Variants in PTPRE observed in about 807,000 individuals in gnomAD.
PTPRE encodes protein tyrosine phosphatase receptor type E, also known as receptor-type tyrosine-protein phosphatase epsilon.
In PTPRE, 51 loss-of-function variants were observed where a neutral mutation model predicts 102.0. That is an observed-to-expected ratio of 0.50 (90% CI 0.40 to 0.63). The LOEUF (loss-of-function observed/expected upper bound fraction) is 0.63. Ranked by LOEUF, PTPRE falls within the 30% of genes least tolerant of loss-of-function variation. The pLI, the probability that PTPRE is intolerant of heterozygous loss-of-function variation, is 0.00. For missense variants in PTPRE, 752 were observed against 915.1 expected (o/e 0.82, Z 2.30); for synonymous variants, 345 against 348.2 (o/e 0.99, Z 0.10).
intron 2 of PTPRE, among the ~76,000 whole-genome samples, chr10:127,987,619 C>T (rs970019987): frequency 1.3e-5 from 2 of 152,084 alleles, no homozygotes; most frequent in African/African-American, 2.4e-5. Context: ...ACGCCTCAGT[C>T]GATAGTGCAC....
intron 1 of PTPRE, among the ~76,000 whole-genome samples, chr10:127,941,107 A>G (rs1359313112): frequency 6.6e-6 from 1 of 152,208 alleles, no homozygotes; most frequent in Non-Finnish European, 1.5e-5. Context: ...GCCGCCTGGG[A>G]TGGAGAAGAG....
Position 128,068,203 on chromosome 10 carries a change from T to A in PTPRE, c.924T>A (p.Phe308Leu). 6.2e-7 allele frequency: 1 copy of A among 1,614,164 alleles called. No homozygotes were observed. The highest frequency in any genetic ancestry group is 8.5e-7 in the Non-Finnish European group (1 of 1,179,988). Residue 308 changes from phenylalanine to leucine, a missense_variant, in exon 12 of 21, where the codon TTT (phenylalanine) becomes TTA (leucine). Physicochemically the swap from Phe to Leu is conservative, Grantham distance 22 (BLOSUM62 0). Transcript: ENST00000254667. ...GCTGGCCCGACTTCGGAGTGCCTTTTACCCCCATTGGGATGCTGAAGTTCC... is the reference window on the plus strand; with the variant it reads ...GCTGGCCCGACTTCGGAGTGCCTTTAACCCCCATTGGGATGCTGAAGTTCC... Reference protein sequence around the residue: ...FTSWPDFGVPFTPIGMLKFLK... With the variant: ...FTSWPDFGVPLTPIGMLKFLK...
rs150554217 is a variant in PTPRE at position 127,963,745 on chromosome 10, G to A, written c.-30-18529G>A. Among the ~76,000 whole-genome samples the A allele has an allele frequency of 5.9e-5, 9 of 152,168 alleles. No individual in the cohort carries two copies. The East Asian group carries it at 1.6e-3, about 26-fold the overall frequency. On this transcript the variant is annotated intron_variant, in intron 1 of 20. Coordinates refer to ENST00000254667, the MANE Select transcript of PTPRE (RefSeq NM_006504.6). ...ACACGTGTGGAACCCACGGGGCTGG[G>A]GATAGTCTCTAGCAGTGTGAGACAA...
intron 2 of PTPRE, among the ~76,000 whole-genome samples, chr10:128,024,591 T>A (rs1217173057): frequency 6.6e-6 from 1 of 152,194 alleles, no homozygotes; most frequent in African/African-American, 2.4e-5. Flanking sequence ...ATTGAAATTA[T>A]CCCTTAACAG....
In PTPRE at chr10:127,928,596, A is replaced by C. The variant is rs192209418; in HGVS notation, c.-31+21287A>C. 3.7e-4 allele frequency among the ~76,000 whole-genome samples: 57 copies of C among 152,284 alleles called. 1 individual carries two copies. The highest frequency in any genetic ancestry group is 1.3e-3 in the African/African-American group (54 of 41,560). On this transcript the variant is annotated intron_variant, in intron 1 of 20. Transcript: ENST00000254667. Reference sequence around the variant, plus strand: ...ATGTCTCCTGGATGGAGGACAGATTAGCTGTGCTGGGTTAGACTCATAGGC... The same window carrying C: ...ATGTCTCCTGGATGGAGGACAGATTCGCTGTGCTGGGTTAGACTCATAGGC...
chr10:127,907,801 C>A lies in PTPRE; in HGVS notation c.-31+492C>A, dbSNP rs1845589315. On this transcript the variant is annotated intron_variant, in intron 1 of 20. Coordinates refer to ENST00000254667, the MANE Select transcript of PTPRE (RefSeq NM_006504.6). The surrounding 1 kb of genome is among the most constrained non-coding windows in gnomAD (Gnocchi z 4.8). Reference sequence around the variant, plus strand: ...GGCCGGCGCTCTGCCAGGATGCTGCCCCGCAGCCGGGCGGGCGCCCGCGCC... The same window carrying A: ...GGCCGGCGCTCTGCCAGGATGCTGCACCGCAGCCGGGCGGGCGCCCGCGCC... Among the ~76,000 whole-genome samples the A allele has an allele frequency of 6.6e-6, 1 of 152,194 alleles. No homozygotes were observed. Among genetic ancestry groups the A allele is most frequent in the Admixed American group, 6.5e-5 (1 of 15,292 alleles).
chr10:128,076,651 G>C lies in PTPRE; in HGVS notation c.1648G>C (p.Glu550Gln). ...WPTEGSVTHG[E>Q]ITIEIKNDTL... ...AACCGAGGGCTCAGTTACTCATGGAGAAATAACGATTGAGATAAAGAATGA... is the reference window on the plus strand; with the variant it reads ...AACCGAGGGCTCAGTTACTCATGGACAAATAACGATTGAGATAAAGAATGA... Residue 550 changes from glutamate (E) to glutamine (Q), a missense_variant, in exon 18 of 21, where the codon GAA becomes CAA. Physicochemically the swap from Glu to Gln is conservative, Grantham distance 29. Coordinates refer to ENST00000254667, the MANE Select transcript of PTPRE (RefSeq NM_006504.6). 2 of 1,611,812 alleles carry C rather than the reference G, an allele frequency of 1.2e-6. No individual in the cohort carries two copies. Among genetic ancestry groups the C allele is most frequent in the Non-Finnish European group, 1.7e-6 (2 of 1,179,476 alleles).
chr10:128,037,855 G>A (rs929859624), intron 2 of PTPRE, among the ~76,000 whole-genome samples: 6 of 151,914 alleles, frequency 3.9e-5, no homozygotes, highest in East Asian at 3.9e-4. Context: ...GCAGTGGTGC[G>A]ATCTCGGCTC....
chr10:127,986,475 A>G (rs1177659945), intron 2 of PTPRE, among the ~76,000 whole-genome samples: 1 of 152,258 alleles, frequency 6.6e-6, no homozygotes, highest in East Asian at 1.9e-4. Context: ...TAACTTGACT[A>G]TTTCACTTTG....
chr10:127,990,273 A>G (rs1852497193), intron 2 of PTPRE, among the ~76,000 whole-genome samples: 1 of 151,932 alleles, frequency 6.6e-6, no homozygotes. Flanking sequence ...TTAGCCAGGC[A>G]TGGTGGCACG....
chr10:128,027,434 C>G (rs1037924736), intron 2 of PTPRE, among the ~76,000 whole-genome samples: 1 of 152,092 alleles, frequency 6.6e-6, no homozygotes, highest in African/African-American at 2.4e-5. Flanking sequence ...AAGTGAGGCT[C>G]TGAGCTGTAG....
chr10:127,950,545 G>A (rs1223585835), intron 1 of PTPRE, among the ~76,000 whole-genome samples: 1 of 152,162 alleles, frequency 6.6e-6, no homozygotes, highest in African/African-American at 2.4e-5. Context: ...TGGGGGGAGT[G>A]CCAGCATCCC....
At chr10:128,022,904 A>G (rs575119026) in intron 2 of PTPRE, among the ~76,000 whole-genome samples, 2 of 152,374 alleles carry the variant, frequency 1.3e-5, no homozygotes, top group Admixed American at 6.5e-5. Context: ...TAATTTTGAC[A>G]GGCTGTGGCA....
intron 1 of PTPRE, among the ~76,000 whole-genome samples, chr10:127,973,409 T>C (rs1850910752): frequency 6.6e-6 from 1 of 152,250 alleles, no homozygotes; most frequent in South Asian, 2.1e-4. Flanking sequence ...TATCTCTCAT[T>C]TGTTTTCAAG....
intron 3 of PTPRE, among the ~76,000 whole-genome samples, chr10:128,042,142 G>A (rs1482293026): frequency 6.6e-6 from 1 of 152,142 alleles, no homozygotes; most frequent in Non-Finnish European, 1.5e-5. Context: ...GGTTCAAAGA[G>A]TTATTTCAAC....
rs1181586386 is a variant in PTPRE, at chr10:128,070,980, A to G, written c.1387+79A>G. 7.1e-7 allele frequency: 1 copy of G among 1,412,142 alleles called. No individual in the cohort carries two copies. Among genetic ancestry groups the G allele is most frequent in the Non-Finnish European group, 9.9e-7 (1 of 1,008,780 alleles). 87.5% of individuals were successfully genotyped at this position (1,412,142 alleles called of 1,614,324 possible). Reference sequence around the variant, plus strand: ...GGCTTTCATCCTGGAGAAGCCATTGACCGCTTACCCCTGTGCACCAGGGTC... The same window carrying G: ...GGCTTTCATCCTGGAGAAGCCATTGGCCGCTTACCCCTGTGCACCAGGGTC... On this transcript the variant is annotated intron_variant, in intron 15 of 20. Transcript: ENST00000254667. This position sits in a 1 kb window ranked among gnomAD's most constrained non-coding sequence, Gnocchi z 4.8.
intron 1 of PTPRE, chr10:127,934,584 C>T (rs60574816): frequency 0.084 from 12,814 of 152,284 alleles, 725 homozygotes; most frequent in African/African-American, 0.15. Context: ...GACACGTGGA[C>T]ACTGGACCGG....
At chr10:128,052,707 C>G (rs1848648976) in intron 6 of PTPRE, among the ~76,000 whole-genome samples, 1 of 152,172 alleles carries the variant, frequency 6.6e-6, no homozygotes, top group Admixed American at 6.5e-5. Context: ...TACCTCCATC[C>G]TAGCAAGTTA....
At chr10:128,079,062 G>C (rs1851473032) in intron 19 of PTPRE, among the ~76,000 whole-genome samples, 1 of 152,208 alleles carries the variant, frequency 6.6e-6, no homozygotes, top group African/African-American at 2.4e-5. Context: ...TCAGTTGACT[G>C]TTCCTGGTTG....
Sources: gnomAD v4.1 joint callset for allele counts (sites outside exome capture counted in the v4.1 genomes callset) on GRCh38, gnomAD v4.1.1 for gene constraint, Gnocchi (gnomAD v3.1) non-coding constraint, MANE v1.5 for transcripts, NCBI Gene and HGNC (gene_info 2026-07-23, HGNC 2026-07-21) for gene names.